Variants in PDZD2 observed in about 807,000 individuals in gnomAD.
PDZD2 encodes PDZ domain containing 2.
PDZD2 carries 90 observed loss-of-function variants against 220.7 expected under a neutral mutation model. The observed-to-expected ratio is 0.41, with a 90% CI of 0.34 to 0.49. The LOEUF (loss-of-function observed/expected upper bound fraction) is 0.49. PDZD2 is among the 20% of genes least tolerant of loss of function. The pLI is 0.28. For synonymous variants in PDZD2, 1,375 were observed against 1,450.5 expected, an observed-to-expected ratio of 0.95 and a Z score of 1.18; for missense variants, 3,174 against 3,608.5, an observed-to-expected ratio of 0.88 and a Z score of 3.08.
chr5:31,919,906 G>A (rs1744059151), intron 2 of PDZD2, among the ~76,000 whole-genome samples: 1 of 151,312 alleles, frequency 6.6e-6, no homozygotes, highest in Admixed American at 6.6e-5. Context: ...TGTAGTTTCG[G>A]CTGCCTGGGA....
chr5:31,772,224 C>T lies in PDZD2; in HGVS notation c.-360-26665C>T, dbSNP rs1383211596. Among the ~76,000 whole-genome samples the T allele has an allele frequency of 2.6e-5, 4 of 152,300 alleles. No homozygotes were observed. In the East Asian group the frequency reaches 7.7e-4, roughly 29 times the overall value. On this transcript the variant is annotated intron_variant, in intron 1 of 24. Coordinates refer to ENST00000438447, the MANE Select transcript of PDZD2 (RefSeq NM_178140.4). ...CCGGGTCACCAGCTCCATCCTAACT[C>T]ATCCTGGTCACCTGCTCTGACCTAA...
At chr5:31,746,366 CT>C (rs1180978820) in intron 1 of PDZD2, among the ~76,000 whole-genome samples, 3 of 152,144 alleles carry the variant, frequency 2.0e-5, no homozygotes, top group Non-Finnish European at 4.4e-5. Context: ...GATTCTATGG[CT>C]TTGTCTAGGA....
intron 6 of PDZD2, 75 bp downstream of exon 6, chr5:32,010,557 T>A (rs556549587): frequency 1.0e-6 from 1 of 993,764 alleles, no homozygotes; most frequent in South Asian, 1.3e-5. Context: ...GATTAGGGGA[T>A]AAATGCTTGA....
intron 2 of PDZD2, among the ~76,000 whole-genome samples, chr5:31,888,947 G>A (rs1410448978): frequency 6.6e-6 from 1 of 152,068 alleles, no homozygotes; most frequent in Non-Finnish European, 1.5e-5. Context: ...CCAGAGCCAG[G>A]AGAAACTTTA....
intron 2 of PDZD2, among the ~76,000 whole-genome samples, chr5:31,930,273 T>C (rs1325234957): frequency 6.9e-6 from 1 of 145,688 alleles, no homozygotes; most frequent in Non-Finnish European, 1.5e-5. Flanking sequence ...TGGCATGATC[T>C]CCGCTTACTG....
At chr5:31,837,732 T>A (rs12188517) in intron 2 of PDZD2, among the ~76,000 whole-genome samples, 89,854 of 150,278 alleles carry the variant, frequency 0.6, 28,951 homozygotes, top group Non-Finnish European at 0.73. Flanking sequence ...CTCAAAAAAA[T>A]AAAAATTAGC....
chr5:31,980,266 T>C (rs1750186515), intron 2 of PDZD2, among the ~76,000 whole-genome samples: 1 of 152,236 alleles, frequency 6.6e-6, no homozygotes, highest in African/African-American at 2.4e-5. Flanking sequence ...TTGCCTGTTC[T>C]GGACATGTCA....
At chr5:31,986,177 TC>T (rs1750705071) in intron 3 of PDZD2, among the ~76,000 whole-genome samples, 1 of 148,722 alleles carries the variant, frequency 6.7e-6, no homozygotes, top group South Asian at 2.4e-4. Flanking sequence ...AGGTCAAACA[TC>T]CTATGAGGTG....
chr5:32,048,590 G>T lies in PDZD2; in HGVS notation c.1571G>T (p.Arg524Leu), dbSNP rs201862273. The T allele has an allele frequency of 6.2e-7, 1 of 1,613,814 alleles. No homozygotes were observed. The highest frequency in any genetic ancestry group is 2.2e-5 in the East Asian group (1 of 44,890). Residue 524 changes from arginine (R) to leucine (L), a missense_variant, in exon 8 of 25, where the codon CGG becomes CTG. Physicochemically the swap from Arg to Leu is moderately radical, Grantham distance 102 (BLOSUM62 -2). Around this residue, in one of 4 missense-constraint regions of PDZD2, gnomAD observed 632 missense variants for 708.1 expected, o/e 0.89. Coordinates refer to ENST00000438447, the MANE Select transcript of PDZD2 (RefSeq NM_178140.4). Reference protein sequence around the residue: ...SVEEYNELMVRNGDPRIRMLE... With the variant: ...SVEEYNELMVLNGDPRIRMLE... ...GAAGAATATAACGAGCTGATGGTGC[G>T]GAATGGGGACCCCCGGATCCGGATG...
At position 32,090,108 on chromosome 5, in the gene PDZD2, C is replaced by G; in HGVS notation, c.6660C>G (p.Thr2220=). ...TCTACTTCACCCCAAGGCCAGCGACCAGGACCTACTCCATGCCAGCCCAGT... is the reference window on the plus strand; with the variant it reads ...TCTACTTCACCCCAAGGCCAGCGACGAGGACCTACTCCATGCCAGCCCAGT... ...DHLYFTPRPA[T]RTYSMPAQFS... is the part of the protein sequence containing the mutation. The change falls in exon 20 of 25, where the codon ACC becomes ACG. Residue 2220 remains threonine, a synonymous_variant. Transcript: ENST00000438447. The surrounding 1 kb of genome is among the most constrained non-coding windows in gnomAD (Gnocchi z 4.3). 1 of 1,613,864 alleles carries G rather than the reference C, an allele frequency of 6.2e-7. No homozygotes were observed. Among genetic ancestry groups the G allele is most frequent in the Non-Finnish European group, 8.5e-7 (1 of 1,179,998 alleles).
chr5:31,923,391 AAGCAG>A (rs1257214021), intron 2 of PDZD2: 1 of 1,252,914 alleles, frequency 8.0e-7, no homozygotes, highest in East Asian at 2.3e-5. Context: ...CAAAGAGGCC[AAGCAG>A]AGACTGCAGC....
At chr5:31,766,732 A>ATTT (rs35486584) in intron 1 of PDZD2, among the ~76,000 whole-genome samples, 1,761 of 143,812 alleles carry the variant, frequency 0.012, 43 homozygotes, top group African/African-American at 0.043. Context: ...CTTAAGCAGA[A>ATTT]TTTTTTTTTT....
At chr5:32,045,681 C>T (rs1361103170) in intron 7 of PDZD2, among the ~76,000 whole-genome samples, 1 of 151,766 alleles carries the variant, frequency 6.6e-6, no homozygotes, top group Non-Finnish European at 1.5e-5. Flanking sequence ...CCTGCCTCAG[C>T]CTCCCAAAGT....
chr5:32,076,096 G>A (rs1741258667), intron 18 of PDZD2, among the ~76,000 whole-genome samples: 2 of 152,012 alleles, frequency 1.3e-5, no homozygotes, highest in African/African-American at 4.8e-5. Context: ...GACCAGCCTG[G>A]CCAACATGGC....
At position 32,057,925 on chromosome 5, in the gene PDZD2, G is replaced by A; in HGVS notation, c.2022G>A (p.Val674=). 6.2e-7 allele frequency: 1 copy of A among 1,613,666 alleles called. No homozygotes were observed. The highest frequency in any genetic ancestry group is 8.5e-7 in the Non-Finnish European group (1 of 1,179,924). ...TTTTAACGGTACGCACAAAGTTGGT[G>A]AGCCCCAGCCTCACACCCTGCTCGA... The part of the protein sequence containing the change: ...LFVLTVRTKL[V]SPSLTPCSTP... Residue 674 remains valine, a synonymous_variant, in exon 12 of 25, where the codon GTG becomes GTA. Transcript: ENST00000438447.
At chr5:31,897,049 C>A (rs1317835759) in intron 2 of PDZD2, among the ~76,000 whole-genome samples, 1 of 150,940 alleles carries the variant, frequency 6.6e-6, no homozygotes, top group Non-Finnish European at 1.5e-5. Context: ...CAAATGAGAT[C>A]TCTGGATGTA....
intron 18 of PDZD2, 109 bp from the exon 19 acceptor site, chr5:32,077,353 G>C (rs1053518601): frequency 1.0e-5 from 11 of 1,054,838 alleles, no homozygotes; most frequent in Non-Finnish European, 1.6e-5. Context: ...CTAGTCCAGG[G>C]CCCCTTTGCC....
intron 1 of PDZD2, among the ~76,000 whole-genome samples, chr5:31,757,553 G>C (rs1278276964): frequency 2.6e-5 from 4 of 151,570 alleles, no homozygotes; most frequent in Non-Finnish European, 4.4e-5. Flanking sequence ...GATTGCGCCA[G>C]TGCACTCCAG....
chr5:31,983,656 G>A lies in PDZD2; in HGVS notation c.978G>A (p.Arg326=), dbSNP rs183786086. The A allele has an allele frequency of 5.6e-6, 9 of 1,611,238 alleles. No individual in the cohort carries two copies. In the East Asian group the frequency reaches 1.8e-4, roughly 32 times the overall value. The change falls in exon 3 of 25, where the codon CGG becomes CGA. Residue 326 remains arginine, a splice_region_variant and synonymous_variant. Transcript: ENST00000438447. The stretch of plus-strand genomic sequence containing the variant: ...TCCAATCGAGTGACTGCCTGGCACG[G>A]GTAAGGTTTGGTTTGATTATGGAAC... The part of the protein sequence containing the change: ...TDFQSSDCLA[R]EEVGRIWKME...
Sources: gnomAD v4.1 joint callset for allele counts (sites outside exome capture counted in the v4.1 genomes callset) on GRCh38, gnomAD v4.1.1 for gene constraint, gnomAD v4.1.1 regional missense constraint, Gnocchi (gnomAD v3.1) non-coding constraint, MANE v1.5 for transcripts, NCBI Gene and HGNC (gene_info 2026-07-23, HGNC 2026-07-21) for gene names.